MCM10: variants seen among roughly 807,000 people sequenced by gnomAD.
MCM10 encodes protein MCM10 homolog.
A neutral mutation model predicts 109.9 loss-of-function variants in MCM10; 91 were observed. The observed-to-expected ratio is 0.83, with a 90% CI of 0.70 to 0.99. MCM10 has a LOEUF of 0.99. MCM10 is among the 50% of genes least tolerant of loss of function. The pLI is 0.00. For synonymous variants in MCM10, 380 were observed against 387.2 expected (o/e 0.98, Z 0.22); for missense variants, 1,077 against 1,061.2 (o/e 1.01, Z -0.21).
At chr10:13,195,377 A>C in intron 14 of MCM10, 108 bp downstream of exon 14, 1 of 830,352 alleles carries the variant, frequency 1.2e-6, no homozygotes, top group South Asian at 1.9e-5. Flanking sequence ...CATTAGAGTC[A>C]GTGTAATTTG....
rs1269883842 is a variant in MCM10, at chr10:13,192,710, A to G, written c.1745+142A>G. On this transcript the variant is annotated intron_variant, in intron 13 of 19. Transcript: ENST00000378714. ...TGAAAGTTTAAAATAGTTTTCCCAT[A>G]ACCTGAATAGCATTTAAGGCTGTAT... is the stretch of plus-strand genomic sequence containing the variant. 4 of 710,382 alleles carry G rather than the reference A, an allele frequency of 5.6e-6. No individual in the cohort carries two copies. In the Admixed American group the frequency reaches 7.5e-5, roughly 13 times the overall value. The allele number at this position is 710,382 out of a possible 1,614,324, so 44.0% of individuals were successfully genotyped here.
chr10:13,198,547 C>A, intron 15 of MCM10, 142 bp from the exon 16 acceptor site: 1 of 633,546 alleles, frequency 1.6e-6, no homozygotes, highest in East Asian at 2.6e-5. Flanking sequence ...AGAGCTTTTC[C>A]CTGCTGGGAC....
At chr10:13,179,411 G>A (rs1490849430) in intron 6 of MCM10, among the ~76,000 whole-genome samples, 1 of 152,134 alleles carries the variant, frequency 6.6e-6, no homozygotes, top group African/African-American at 2.4e-5. Context: ...ACTTGGGGTC[G>A]GGGGGAGCCT....
intron 2 of MCM10, among the ~76,000 whole-genome samples, chr10:13,167,995 G>A (rs1424807917): frequency 6.6e-6 from 1 of 152,152 alleles, no homozygotes; most frequent in Non-Finnish European, 1.5e-5. Context: ...GATTTTTGGT[G>A]GTGACTGAGG....
intron 1 of MCM10, among the ~76,000 whole-genome samples, chr10:13,162,991 A>G (rs1015406090): frequency 6.6e-6 from 1 of 151,890 alleles, no homozygotes; most frequent in Non-Finnish European, 1.5e-5. Flanking sequence ...AGGCAGGAGA[A>G]TGGCGTGAAC....
At chr10:13,178,030 C>A (rs1039371986) in intron 6 of MCM10, among the ~76,000 whole-genome samples, 3 of 152,096 alleles carry the variant, frequency 2.0e-5, no homozygotes, top group African/African-American at 7.2e-5. Context: ...TAGCCAAGAC[C>A]AATGTCCTAG....
chr10:13,190,911 G>C (rs1322003442), intron 10 of MCM10, among the ~76,000 whole-genome samples: 1 of 152,110 alleles, frequency 6.6e-6, no homozygotes, highest in African/African-American at 2.4e-5. Flanking sequence ...ACAATTCCCT[G>C]TGGGTGAACG....
chr10:13,197,793 G>A (rs1269973741), intron 15 of MCM10, 26 bp downstream of exon 15: 3 of 1,590,626 alleles, frequency 1.9e-6, no homozygotes, highest in Non-Finnish European at 2.6e-6. Context: ...AGTTAACAGT[G>A]GGAAAGAGAA....
Position 13,198,710 on chromosome 10 carries a change from C to A in MCM10, c.2141C>A (p.Ala714Asp). ...CTAGCTGAGGATGAATTGGAGCCTGCCAGGAAAAAAAGGAGAGAACAACTT... is the reference window on the plus strand; with the variant it reads ...CTAGCTGAGGATGAATTGGAGCCTGACAGGAAAAAAAGGAGAGAACAACTT... ...SSQAEDELEP[A>D]RKKRREQLAY... Residue 714 changes from alanine to aspartate, a missense_variant, in exon 16 of 20, where the codon GCC becomes GAC. Physicochemically the swap from Ala to Asp is moderately radical, Grantham distance 126. Coordinates refer to ENST00000378714, the MANE Select transcript of MCM10 (RefSeq NM_018518.5). 3 of 1,612,506 alleles carry A rather than the reference C, an allele frequency of 1.9e-6. No homozygotes were observed. Among genetic ancestry groups the A allele is most frequent in the Non-Finnish European group, 2.5e-6 (3 of 1,179,196 alleles).
chr10:13,190,461 AT>A (rs1416186753), intron 10 of MCM10, among the ~76,000 whole-genome samples: 1 of 152,172 alleles, frequency 6.6e-6, no homozygotes, highest in Non-Finnish European at 1.5e-5. Context: ...AGGCAGGAGG[AT>A]TGCTTAAGCC....
intron 5 of MCM10, among the ~76,000 whole-genome samples, chr10:13,173,664 G>A (rs1834104649): frequency 6.6e-6 from 1 of 152,192 alleles, no homozygotes; most frequent in Non-Finnish European, 1.5e-5. Flanking sequence ...CACAGTCGTA[G>A]AGAACTACTT....
intron 16 of MCM10, among the ~76,000 whole-genome samples, chr10:13,200,058 T>C (rs1834476820): frequency 6.6e-6 from 1 of 152,142 alleles, no homozygotes; most frequent in African/African-American, 2.4e-5. Context: ...CTCGAACTCC[T>C]GGGCTCAAGT....
In MCM10 at chr10:13,192,551, A is replaced by G. The variant is rs1224530053; in HGVS notation, c.1728A>G (p.Ser576=). Residue 576 remains serine (S), a synonymous_variant, in exon 13 of 20, where the codon TCA becomes TCG. Transcript: ENST00000378714. ...QRMLEMRRRK[S]EEIQKRFLQS... ...TGTTGGAGATGAGGAGAAGGAAATC[A>G]GAAGAAATACAGAAGCGGTAAGAGG... is the stretch of plus-strand genomic sequence containing the variant. 6.2e-7 allele frequency: 1 copy of G among 1,614,170 alleles called. No individual in the cohort carries two copies. Among genetic ancestry groups the G allele is most frequent in the Non-Finnish European group, 8.5e-7 (1 of 1,180,000 alleles).
chr10:13,172,349 T>G lies in MCM10; in HGVS notation c.350-27T>G. 1 of 1,572,520 alleles carries G rather than the reference T, an allele frequency of 6.4e-7. No homozygotes were observed. Among genetic ancestry groups the G allele is most frequent in the Non-Finnish European group, 8.7e-7 (1 of 1,146,552 alleles). ...TAGAACGTTTTCTCCTGCCTGGTTC[T>G]TAAATTAACATATTTTCATTTCCTA... On this transcript the variant is annotated intron_variant, in intron 3 of 19. Transcript: ENST00000378714. The surrounding 1 kb of genome is among the most constrained non-coding windows in gnomAD (Gnocchi z 5.2).
chr10:13,197,752 A>C lies in MCM10; in HGVS notation c.2104A>C (p.Met702Leu). Residue 702 changes from methionine to leucine, a missense_variant, in exon 15 of 20, where the codon ATG becomes CTG. Met to Leu is a conservative substitution (Grantham distance 15). Transcript: ENST00000378714. ...EVKERVEKNT[M>L]FSSQAEDELE... ...GAAGGAACGTGTAGAAAAAAACACCATGTTTTCTTCTCAAGGTACTGCAGT... is the reference window on the plus strand; with the variant it reads ...GAAGGAACGTGTAGAAAAAAACACCCTGTTTTCTTCTCAAGGTACTGCAGT... 1 of 1,611,834 alleles carries C rather than the reference A, an allele frequency of 6.2e-7. No individual in the cohort carries two copies. The highest frequency in any genetic ancestry group is 8.5e-7 in the Non-Finnish European group (1 of 1,179,526).
intron 17 of MCM10, 100 bp from the exon 18 acceptor site, chr10:13,204,119 G>A (rs760519140): frequency 1.3e-5 from 19 of 1,430,018 alleles, no homozygotes; most frequent in East Asian, 1.2e-4. Context: ...GTAGTGATGA[G>A]AGACCAGGTG....
intron 16 of MCM10, among the ~76,000 whole-genome samples, chr10:13,200,659 G>A (rs1834485861): frequency 1.3e-5 from 2 of 152,304 alleles, no homozygotes; most frequent in South Asian, 4.1e-4. Flanking sequence ...CCCACATTCT[G>A]CCACAAGCAT....
At chr10:13,185,628 G>A (rs1375050110) in intron 8 of MCM10, among the ~76,000 whole-genome samples, 3 of 152,246 alleles carry the variant, frequency 2.0e-5, no homozygotes, top group Non-Finnish European at 4.4e-5. Flanking sequence ...AAGTCAGCCA[G>A]CCTAGAGAAA....
rs376141871 is a variant in MCM10 at position 13,192,568 on chromosome 10, G to A, written c.1745G>A (p.Arg582Gln). Residue 582 changes from arginine (R) to glutamine (Q), a missense_variant and splice_region_variant, in exon 13 of 20, where the codon CGA (arginine) becomes CAA (glutamine). Physicochemically the swap from Arg to Gln is conservative, Grantham distance 43. Coordinates refer to ENST00000378714, the MANE Select transcript of MCM10 (RefSeq NM_018518.5). ...AGGAAATCAGAAGAAATACAGAAGC[G>A]GTAAGAGGAGCAGATTTAATATTCC... ...RRRKSEEIQK[R>Q]FLQSSSEVES... 18 of 1,613,186 alleles carry A rather than the reference G, an allele frequency of 1.1e-5. No individual in the cohort carries two copies. Among genetic ancestry groups the A allele is most frequent in the Admixed American group, 6.7e-5 (4 of 60,000 alleles).
Sources: gnomAD v4.1 joint callset for allele counts (sites outside exome capture counted in the v4.1 genomes callset) on GRCh38, gnomAD v4.1.1 for gene constraint, Gnocchi (gnomAD v3.1) non-coding constraint, MANE v1.5 for transcripts, NCBI Gene and HGNC (gene_info 2026-07-23, HGNC 2026-07-21) for gene names.